AKAP13: variants seen among roughly 807,000 people sequenced by gnomAD.
The protein encoded by AKAP13 is A-kinase anchoring protein 13.
In AKAP13, 80 loss-of-function variants were observed where a neutral mutation model predicts 264.5. That is an observed-to-expected ratio of 0.30 (90% confidence interval 0.25 to 0.36). The LOEUF is 0.36. AKAP13 is among the 10% of genes least tolerant of loss of function. The probability of loss-of-function intolerance (pLI) is 1.00; values close to 1 mark genes in which losing one functional copy is unlikely to be tolerated. For missense variants in AKAP13, 3,712 were observed against 3,435.2 expected, an observed-to-expected ratio of 1.08 and a Z score of -2.01; for synonymous variants, 1,380 against 1,250.2, an observed-to-expected ratio of 1.10 and a Z score of -2.19.
intron 2 of AKAP13, among the ~76,000 whole-genome samples, chr15:85,507,205 C>G (rs1364641399): frequency 1.3e-5 from 2 of 151,922 alleles, no homozygotes; most frequent in Non-Finnish European, 2.9e-5. Flanking sequence ...TTGTTGATGT[C>G]TTTGGGGGTG....
intron 1 of AKAP13, among the ~76,000 whole-genome samples, chr15:85,392,674 G>A (rs368266754): frequency 6.6e-6 from 1 of 152,064 alleles, no homozygotes; most frequent in African/African-American, 2.4e-5. Flanking sequence ...CCTAGTTGCT[G>A]TGACTATAGG....
chr15:85,616,922 A>G (rs1337367470), intron 8 of AKAP13, among the ~76,000 whole-genome samples: 4 of 152,256 alleles, frequency 2.6e-5, no homozygotes, highest in Non-Finnish European at 5.9e-5. Flanking sequence ...AACAAGGAAC[A>G]GAATATGTAA....
intron 8 of AKAP13, among the ~76,000 whole-genome samples, chr15:85,594,886 A>G (rs944690917): frequency 3.3e-5 from 5 of 152,122 alleles, no homozygotes; most frequent in African/African-American, 9.7e-5. Flanking sequence ...TGTGTACACT[A>G]TTTACGGAGT....
intron 1 of AKAP13, among the ~76,000 whole-genome samples, chr15:85,430,248 C>G (rs2072967218): frequency 6.6e-6 from 1 of 152,200 alleles, no homozygotes; most frequent in Non-Finnish European, 1.5e-5. Flanking sequence ...GGGCTAATTA[C>G]ATGTCTTAAT....
intron 8 of AKAP13, among the ~76,000 whole-genome samples, chr15:85,586,061 T>C (rs1037632341): frequency 2.0e-5 from 3 of 152,250 alleles, no homozygotes; most frequent in Non-Finnish European, 4.4e-5. Context: ...TAGATTATGC[T>C]GAAAAACATT....
At chr15:85,636,388 T>TC (rs2082072002) in intron 8 of AKAP13, among the ~76,000 whole-genome samples, 1 of 152,214 alleles carries the variant, frequency 6.6e-6, no homozygotes, top group African/African-American at 2.4e-5. Context: ...TTTCTTTCTT[T>TC]TTCTGCTTTA....
At chr15:85,742,327 T>C (rs749635989) in intron 35 of AKAP13, among the ~76,000 whole-genome samples, 2 of 152,212 alleles carry the variant, frequency 1.3e-5, no homozygotes, top group African/African-American at 2.4e-5. Flanking sequence ...AAGGAACTTG[T>C]AGCTTAATGG....
intron 3 of AKAP13, among the ~76,000 whole-genome samples, chr15:85,532,625 A>G (rs1049072743): frequency 1.3e-5 from 2 of 152,230 alleles, no homozygotes; most frequent in Non-Finnish European, 2.9e-5. Flanking sequence ...CAGTGTGTGA[A>G]AACAGGGGAA....
intron 1 of AKAP13, among the ~76,000 whole-genome samples, chr15:85,448,469 G>T (rs1030982599): frequency 2.0e-5 from 3 of 152,100 alleles, no homozygotes; most frequent in Admixed American, 1.3e-4. Flanking sequence ...ATATCACCTA[G>T]GTTATCTTCC....
chr15:85,622,258 T>C (rs2081227220), intron 8 of AKAP13, among the ~76,000 whole-genome samples: 1 of 152,210 alleles, frequency 6.6e-6, no homozygotes, highest in South Asian at 2.1e-4. Context: ...CTATTTCAGA[T>C]AGAATGGTCT....
intron 1 of AKAP13, among the ~76,000 whole-genome samples, chr15:85,465,336 A>G (rs969505774): frequency 6.6e-6 from 1 of 152,080 alleles, no homozygotes; most frequent in African/African-American, 2.4e-5. Context: ...TTTGGATCTT[A>G]GTCATTTTTA....
intron 10 of AKAP13, among the ~76,000 whole-genome samples, chr15:85,652,855 CTT>C (rs1451882045): frequency 6.6e-6 from 1 of 152,194 alleles, no homozygotes; most frequent in East Asian, 1.9e-4. Flanking sequence ...TTTTGTGTCT[CTT>C]CTCCTCTTGC....
chr15:85,551,652 GGTTGCCGTATAACATTTA>G (rs2077966369), intron 5 of AKAP13, among the ~76,000 whole-genome samples: 1 of 152,196 alleles, frequency 6.6e-6, no homozygotes, highest in Non-Finnish European at 1.5e-5. Context: ...GTTTGTTCTT[GGTTGCCGTATAACATTTA>G]GACTTCAGAG....
At chr15:85,702,165 G>A (rs1480772181) in intron 17 of AKAP13, 2 of 152,124 alleles carry the variant, frequency 1.3e-5, no homozygotes, top group Admixed American at 6.5e-5. Flanking sequence ...AGAACTGCTC[G>A]AACCCGGGAG....
At chr15:85,396,642 A>T (rs1238184117) in intron 1 of AKAP13, among the ~76,000 whole-genome samples, 1 of 152,178 alleles carries the variant, frequency 6.6e-6, no homozygotes, top group Non-Finnish European at 1.5e-5. Flanking sequence ...AATGTATAAT[A>T]CTGTAAACCA....
chr15:85,651,725 T>G (rs1225152405), intron 10 of AKAP13: 1 of 152,230 alleles, frequency 6.6e-6, no homozygotes, highest in Non-Finnish European at 1.5e-5. Flanking sequence ...GCCTCATGTC[T>G]CTTCTCAGTC....
chr15:85,612,588 G>A (rs1473069185), intron 8 of AKAP13, among the ~76,000 whole-genome samples: 2 of 152,108 alleles, frequency 1.3e-5, no homozygotes, highest in African/African-American at 2.4e-5. Flanking sequence ...TTGGGAGGCC[G>A]AGGCGGGTGG....
At chr15:85,717,662 T>C (rs1369235695) in intron 21 of AKAP13, among the ~76,000 whole-genome samples, 5 of 152,220 alleles carry the variant, frequency 3.3e-5, no homozygotes, top group Admixed American at 3.3e-4. Context: ...CTTAGACTTT[T>C]TTACATGTAC....
At chr15:85,472,204 A>AC (rs1476300499) in intron 1 of AKAP13, among the ~76,000 whole-genome samples, 2 of 140,336 alleles carry the variant, frequency 1.4e-5, no homozygotes, top group Non-Finnish European at 3.0e-5. Flanking sequence ...AGGTTAAAAA[A>AC]AAAACAAAAA....
Sources: allele counts gnomAD v4.1 joint callset (sites outside exome capture counted in the v4.1 genomes callset), GRCh38; gene constraint gnomAD v4.1.1; transcripts MANE v1.5; gene names NCBI Gene and HGNC (gene_info 2026-07-23, HGNC 2026-07-21).